GRM3: variants seen among roughly 807,000 people sequenced by gnomAD.
The protein encoded by GRM3 is metabotropic glutamate receptor 3.
GRM3 carries 26 observed loss-of-function variants against 70.5 expected under a neutral mutation model. That is an observed-to-expected ratio of 0.37 (90% CI 0.27 to 0.51). The LOEUF (loss-of-function observed/expected upper bound fraction) is 0.51. Ranked by LOEUF, GRM3 falls within the 20% of genes least tolerant of loss-of-function variation. The pLI, the probability that GRM3 is intolerant of heterozygous loss-of-function variation, is 0.93. For synonymous variants in GRM3, 443 were observed against 434.9 expected, an observed-to-expected ratio of 1.02 and a Z score of -0.23; for missense variants, 859 against 1,123.8, an observed-to-expected ratio of 0.76 and a Z score of 3.37.
Position 86,795,928 on chromosome 7 carries a change from T to C in GRM3, c.1324+8812T>C, listed in dbSNP as rs147315326. ...CATCTATTGTTTCTTGACTTTTAAATAATGTTTATTAATAAGTTTAAGTTC... is the reference window on the plus strand; with the variant it reads ...CATCTATTGTTTCTTGACTTTTAAACAATGTTTATTAATAAGTTTAAGTTC... On this transcript the variant is annotated intron_variant, in intron 3 of 5. Coordinates refer to ENST00000361669, the MANE Select transcript of GRM3 (RefSeq NM_000840.3). 3.0e-4 allele frequency among the ~76,000 whole-genome samples: 45 copies of C among 152,342 alleles called. 1 individual carries two copies. Among genetic ancestry groups the C allele is most frequent in the African/African-American group, 1.0e-3 (42 of 41,584 alleles).
chr7:86,735,254 G>A (rs1484371973), intron 1 of GRM3, among the ~76,000 whole-genome samples: 1 of 151,944 alleles, frequency 6.6e-6, no homozygotes, highest in Non-Finnish European at 1.5e-5. Context: ...TATACCTGCT[G>A]TAGATCTCCA....
chr7:86,709,312 C>T (rs1307959996), intron 1 of GRM3, among the ~76,000 whole-genome samples: 1 of 151,992 alleles, frequency 6.6e-6, no homozygotes, highest in Non-Finnish European at 1.5e-5. Flanking sequence ...CATGGCTCTC[C>T]CCAGACAAAC....
chr7:86,656,960 A>G (rs1317483326), intron 1 of GRM3, among the ~76,000 whole-genome samples: 2 of 152,180 alleles, frequency 1.3e-5, no homozygotes, highest in African/African-American at 4.8e-5. Flanking sequence ...AATGCATATA[A>G]TAATGCATAT....
chr7:86,680,930 C>A (rs1402453233), intron 1 of GRM3, among the ~76,000 whole-genome samples: 2 of 152,214 alleles, frequency 1.3e-5, no homozygotes, highest in South Asian at 2.1e-4. Context: ...TCAAGAGAAA[C>A]TAAGTTCTTT....
intron 3 of GRM3, among the ~76,000 whole-genome samples, chr7:86,835,372 A>C (rs1798436103): frequency 6.6e-6 from 1 of 152,156 alleles, no homozygotes; most frequent in Non-Finnish European, 1.5e-5. Flanking sequence ...TTTGAATATA[A>C]AAAGGAAAGC....
At chr7:86,848,726 G>A (rs560400804) in intron 4 of GRM3, among the ~76,000 whole-genome samples, 4 of 152,138 alleles carry the variant, frequency 2.6e-5, no homozygotes, top group African/African-American at 9.6e-5. Context: ...CATAACCTTT[G>A]CTTTGATAAA....
intron 1 of GRM3, among the ~76,000 whole-genome samples, chr7:86,698,687 G>C (rs1794885783): frequency 6.6e-6 from 1 of 151,742 alleles, no homozygotes; most frequent in Non-Finnish European, 1.5e-5. Context: ...AAAAAGTGGT[G>C]AATGTCTGCT....
chr7:86,664,381 T>A (rs1481113677), intron 1 of GRM3, among the ~76,000 whole-genome samples: 2 of 151,930 alleles, frequency 1.3e-5, no homozygotes, highest in Non-Finnish European at 2.9e-5. Context: ...CTTGATGTGT[T>A]TACAGTTGTT....
intron 4 of GRM3, among the ~76,000 whole-genome samples, chr7:86,840,676 G>C (rs868532810): frequency 2.0e-5 from 3 of 152,062 alleles, no homozygotes; most frequent in Non-Finnish European, 4.4e-5. Context: ...TCTGATTTCA[G>C]TATCTTACAA....
intron 2 of GRM3, among the ~76,000 whole-genome samples, chr7:86,779,428 A>C (rs1021310704): frequency 6.6e-6 from 1 of 152,164 alleles, no homozygotes; most frequent in Non-Finnish European, 1.5e-5. Context: ...GTGCGCACAC[A>C]CACACACACA....
At chr7:86,777,656 C>T (rs565781585) in intron 2 of GRM3, among the ~76,000 whole-genome samples, 1 of 152,238 alleles carries the variant, frequency 6.6e-6, no homozygotes, top group African/African-American at 2.4e-5. Context: ...CCCAGATGTG[C>T]TACAGGTAAT....
intron 3 of GRM3, among the ~76,000 whole-genome samples, chr7:86,814,228 C>A (rs1797970595): frequency 6.6e-6 from 1 of 151,720 alleles, no homozygotes; most frequent in African/African-American, 2.4e-5. Flanking sequence ...TCAAGCTATT[C>A]TTTTTTCTTT....
At chr7:86,802,765 C>T (rs1056024977) in intron 3 of GRM3, among the ~76,000 whole-genome samples, 29 of 152,096 alleles carry the variant, frequency 1.9e-4, no homozygotes, top group East Asian at 1.4e-3. Flanking sequence ...GGTCTGAAAC[C>T]CTTCTAGGTT....
chr7:86,862,764 C>G (rs1286875307), intron 5 of GRM3, among the ~76,000 whole-genome samples: 2 of 152,068 alleles, frequency 1.3e-5, no homozygotes, highest in Non-Finnish European at 2.9e-5. Context: ...CTTCAGTGCC[C>G]CAAGTATAGT....
At chr7:86,859,538 T>C (rs987229874) in intron 5 of GRM3, among the ~76,000 whole-genome samples, 1 of 151,992 alleles carries the variant, frequency 6.6e-6, no homozygotes, top group African/African-American at 2.4e-5. Context: ...TAGTAAAATA[T>C]CTAAACAAAC....
At chr7:86,695,619 A>G (rs193256568) in intron 1 of GRM3, among the ~76,000 whole-genome samples, 2 of 152,198 alleles carry the variant, frequency 1.3e-5, no homozygotes, top group Non-Finnish European at 2.9e-5. Flanking sequence ...TGAAACTGCA[A>G]GTAAGTTACT....
intron 1 of GRM3, among the ~76,000 whole-genome samples, chr7:86,728,861 T>C (rs1486288098): frequency 2.6e-5 from 4 of 152,182 alleles, no homozygotes; most frequent in Admixed American, 6.5e-5. Context: ...ACAATGATTG[T>C]TACAGGGCTT....
intron 1 of GRM3, among the ~76,000 whole-genome samples, chr7:86,722,826 G>T (rs1385201007): frequency 6.6e-6 from 1 of 152,090 alleles, no homozygotes; most frequent in Non-Finnish European, 1.5e-5. Flanking sequence ...TCTTTACGTT[G>T]TAAGAATTCC....
At chr7:86,835,302 A>G (rs562006784) in intron 3 of GRM3, among the ~76,000 whole-genome samples, 1 of 152,092 alleles carries the variant, frequency 6.6e-6, no homozygotes, top group African/African-American at 2.4e-5. Flanking sequence ...GCCATTTGAG[A>G]AAAAAAATGA....
Sources: gnomAD v4.1 joint callset for allele counts (sites outside exome capture counted in the v4.1 genomes callset) on GRCh38, gnomAD v4.1.1 for gene constraint, MANE v1.5 for transcripts, NCBI Gene and HGNC (gene_info 2026-07-23, HGNC 2026-07-21) for gene names.